CCDC102B: variants seen among roughly 807,000 people sequenced by gnomAD.
CCDC102B encodes the protein coiled-coil domain containing 102B.
Under a neutral mutation model 57.4 loss-of-function variants are expected in CCDC102B, and 75 were observed. That is an observed-to-expected ratio of 1.31 (90% confidence interval 1.08 to 1.58). The LOEUF (loss-of-function observed/expected upper bound fraction) is 1.58, where lower values mean the gene tolerates loss of function less well. Ranked by LOEUF, CCDC102B falls within the 40% of genes most tolerant of loss-of-function variation. The probability of loss-of-function intolerance (pLI) is 0.00; values close to 1 mark genes in which losing one functional copy is unlikely to be tolerated. For synonymous variants in CCDC102B, 206 were observed against 201.9 expected (o/e 1.02, Z -0.17); for missense variants, 636 against 582.6 (o/e 1.09, Z -0.94).
chr18:68,805,871 C>T (rs1258049345), intron 1 of CCDC102B, among the ~76,000 whole-genome samples: 4 of 152,084 alleles, frequency 2.6e-5, no homozygotes, highest in Non-Finnish European at 5.9e-5. Context: ...TAATTGGTTT[C>T]ATTATATAAA....
intron 6 of CCDC102B, among the ~76,000 whole-genome samples, chr18:68,929,315 T>C (rs2041586262): frequency 6.6e-6 from 1 of 151,880 alleles, no homozygotes; most frequent in African/African-American, 2.4e-5. Flanking sequence ...GAACCTCAAT[T>C]TTGATGAAAG....
intron 6 of CCDC102B, among the ~76,000 whole-genome samples, chr18:68,962,666 A>C (rs943194828): frequency 6.6e-6 from 1 of 152,034 alleles, no homozygotes; most frequent in Non-Finnish European, 1.5e-5. Context: ...AAAAATAGAA[A>C]ATCATTATCT....
chr18:68,789,235 C>T (rs1187707373), intron 2 of CCDC102B, among the ~76,000 whole-genome samples: 8 of 152,012 alleles, frequency 5.3e-5, no homozygotes, highest in African/African-American at 7.2e-5. Flanking sequence ...GAGGGTAACC[C>T]GACCTTTCTC....
chr18:68,867,464 C>T (rs138946948), intron 4 of CCDC102B, among the ~76,000 whole-genome samples: 1 of 152,286 alleles, frequency 6.6e-6, no homozygotes, highest in East Asian at 1.9e-4. Context: ...AGCTCTGTGG[C>T]CTGCATCCTG....
intron 2 of CCDC102B, among the ~76,000 whole-genome samples, chr18:68,740,979 T>G (rs2033354266): frequency 6.6e-6 from 1 of 152,148 alleles, no homozygotes; most frequent in Non-Finnish European, 1.5e-5. Flanking sequence ...CTGGCACTCA[T>G]GTTGCAAATG....
At chr18:68,896,593 G>A (rs994291872) in intron 5 of CCDC102B, among the ~76,000 whole-genome samples, 2 of 151,912 alleles carry the variant, frequency 1.3e-5, no homozygotes, top group African/African-American at 4.8e-5. Context: ...GCGTGGCCAT[G>A]TCCCAATACG....
At chr18:68,933,759 A>T (rs552394215) in intron 6 of CCDC102B, among the ~76,000 whole-genome samples, 5 of 151,922 alleles carry the variant, frequency 3.3e-5, no homozygotes, top group African/African-American at 1.2e-4. Flanking sequence ...CAATATGATC[A>T]TATAAATGTA....
intron 4 of CCDC102B, among the ~76,000 whole-genome samples, chr18:68,847,286 G>A (rs1191292764): frequency 6.6e-6 from 1 of 151,672 alleles, no homozygotes; most frequent in East Asian, 1.9e-4. Flanking sequence ...ATACATTGAT[G>A]TATAGTGGAA....
chr18:68,877,562 A>T (rs992967524), intron 5 of CCDC102B, among the ~76,000 whole-genome samples: 2 of 152,210 alleles, frequency 1.3e-5, no homozygotes, highest in Admixed American at 6.5e-5. Flanking sequence ...TCATGTCAAC[A>T]TATCAATTGT....
intron 5 of CCDC102B, among the ~76,000 whole-genome samples, chr18:68,887,164 T>C (rs775903087): frequency 6.6e-6 from 1 of 152,130 alleles, no homozygotes; most frequent in Non-Finnish European, 1.5e-5. Flanking sequence ...TATTTGACAC[T>C]ATAACTGCTG....
At position 68,933,068 on chromosome 18, in the gene CCDC102B, TTAA is replaced by T. The variant is rs749591617; in HGVS notation, c.1263+35641_1263+35643del. Among the ~76,000 whole-genome samples the T allele has an allele frequency of 2.6e-3, 389 of 150,592 alleles. 1 individual carries two copies. Among genetic ancestry groups the T allele is most frequent in the Non-Finnish European group, 4.6e-3 (310 of 67,518 alleles). On this transcript the variant is annotated intron_variant, in intron 6 of 7. Coordinates refer to ENST00000360242, the MANE Select transcript of CCDC102B (RefSeq NM_024781.3). ...TTACAATTTCCTCTGCTCTAAACAC[TTAA>T]ATAGTGTTATTTTATTTACTCCTCA...
chr18:68,841,040 C>A (rs1327897905), intron 3 of CCDC102B, among the ~76,000 whole-genome samples: 1 of 152,156 alleles, frequency 6.6e-6, no homozygotes, highest in Non-Finnish European at 1.5e-5. Context: ...AGTCATGGTT[C>A]CTGTGTCCAT....
intron 4 of CCDC102B, among the ~76,000 whole-genome samples, chr18:68,851,993 A>C (rs1456583424): frequency 6.6e-6 from 1 of 152,166 alleles, no homozygotes; most frequent in Non-Finnish European, 1.5e-5. Flanking sequence ...AGGGACATTC[A>C]ATTAAGACAA....
chr18:68,971,933 T>TCTC (rs1226623724), intron 6 of CCDC102B, among the ~76,000 whole-genome samples: 2 of 152,130 alleles, frequency 1.3e-5, no homozygotes, highest in Non-Finnish European at 2.9e-5. Flanking sequence ...CTTCACTTCA[T>TCTC]CTCCTCCTCT....
intron 7 of CCDC102B, among the ~76,000 whole-genome samples, chr18:69,019,053 G>A (rs906898685): frequency 3.9e-5 from 6 of 151,914 alleles, no homozygotes; most frequent in Admixed American, 3.3e-4. Context: ...ATATATTGAT[G>A]GGTTCATTTC....
intron 1 of CCDC102B, among the ~76,000 whole-genome samples, chr18:68,829,298 G>A (rs2037046931): frequency 1.3e-5 from 2 of 151,940 alleles, no homozygotes; most frequent in South Asian, 2.1e-4. Flanking sequence ...GGTGACTGAA[G>A]TGGAGTATTT....
At chr18:68,959,295 A>T (rs186916537) in intron 6 of CCDC102B, among the ~76,000 whole-genome samples, 18 of 152,114 alleles carry the variant, frequency 1.2e-4, no homozygotes, top group African/African-American at 4.1e-4. Flanking sequence ...CTTGGGTAAC[A>T]TCTGGAAGAA....
chr18:69,055,255 G>C, downstream of CCDC102B: 1 of 701,272 alleles, frequency 1.4e-6, no homozygotes, highest in Non-Finnish European at 1.8e-6. Flanking sequence ...TCCCAAACAT[G>C]GGGGATTGTA....
At chr18:68,865,951 GTCTA>G (rs1432633445) in intron 4 of CCDC102B, among the ~76,000 whole-genome samples, 10 of 152,024 alleles carry the variant, frequency 6.6e-5, no homozygotes, top group South Asian at 2.1e-4. Flanking sequence ...CTTCTTCCAT[GTCTA>G]TCTAACATGT....
Sources: gnomAD v4.1 joint callset for allele counts (sites outside exome capture counted in the v4.1 genomes callset) on GRCh38, gnomAD v4.1.1 for gene constraint, MANE v1.5 for transcripts, NCBI Gene and HGNC (gene_info 2026-07-23, HGNC 2026-07-21) for gene names.